The following IFT172 variants were observed in gnomAD, a reference collection of about 807,000 sequenced individuals.
The protein encoded by IFT172 is intraflagellar transport 172.
A neutral mutation model predicts 248.9 loss-of-function variants in IFT172; 164 were observed. The observed-to-expected ratio is 0.66, with a 90% CI of 0.58 to 0.75. The LOEUF is 0.75. IFT172 is among the 30% of genes least tolerant of loss of function. The probability of loss-of-function intolerance (pLI) is 0.00; values close to 1 mark genes in which losing one functional copy is unlikely to be tolerated. For synonymous variants in IFT172, 729 were observed against 791.6 expected (o/e 0.92, Z 1.33); for missense variants, 1,950 against 2,192.4 (o/e 0.89, Z 2.21).
intron 29 of IFT172, 55 bp downstream of exon 29, chr2:27,457,584 A>G: frequency 6.6e-7 from 1 of 1,506,836 alleles, no homozygotes; most frequent in South Asian, 1.1e-5. Context: ...GAAAAAAAGG[A>G]AAAACGTGGG....
Position 27,445,175 on chromosome 2 carries a change from T to A in IFT172, c.5069-70A>T. 6.2e-7 allele frequency: 1 copy of A among 1,600,796 alleles called. No individual in the cohort carries two copies. Among genetic ancestry groups the A allele is most frequent in the South Asian group, 1.1e-5 (1 of 89,852 alleles). On this transcript the variant is annotated intron_variant, in intron 46 of 47. Transcript: ENST00000260570. This position sits in a 1 kb window ranked among gnomAD's most constrained non-coding sequence, Gnocchi z 4.4. The stretch of plus-strand genomic sequence containing the variant: ...GAGGAGGGAAAAATGAGGAGCAGCC[T>A]GGGGGGTAGAAAGCACAGTCCTGTC...
At chr2:27,471,686 C>A (rs1481997861) in intron 15 of IFT172, 1 of 160,348 alleles carries the variant, frequency 6.2e-6, no homozygotes, top group East Asian at 1.9e-4. Context: ...GAGACACCAA[C>A]TTCCAAACTC....
rs1665955306 is a variant in IFT172 at position 27,454,107 on chromosome 2, G to C, written c.3586C>G (p.Pro1196Ala). The C allele has an allele frequency of 6.2e-7, 1 of 1,613,846 alleles. No individual in the cohort carries two copies. Among genetic ancestry groups the C allele is most frequent in the African/African-American group, 1.3e-5 (1 of 74,910 alleles). Reference protein sequence around the residue: ...AAQRVAEAHDPDSVAEVLVGQ... With the variant: ...AAQRVAEAHDADSVAEVLVGQ... ...ACAAGCACCTCGGCGACACTGTCAG[G>C]GTCGTGAGCCTCAGCCACACGCTGA... Residue 1196 changes from proline (P) to alanine (A), a missense_variant, in exon 33 of 48, where the codon CCT becomes GCT. Pro to Ala is a conservative substitution (Grantham distance 27, BLOSUM62 -1). Transcript: ENST00000260570. The surrounding 1 kb of genome is among the most constrained non-coding windows in gnomAD (Gnocchi z 4.2).
chr2:27,470,228 T>C (rs528348075), intron 16 of IFT172, among the ~76,000 whole-genome samples: 4 of 144,814 alleles, frequency 2.8e-5, no homozygotes, highest in African/African-American at 5.2e-5. Context: ...TGGGAGATAG[T>C]GGGAGACCCT....
chr2:27,462,642 C>A, intron 20 of IFT172, 59 bp downstream of exon 20: 4 of 1,472,720 alleles, frequency 2.7e-6, no homozygotes, highest in South Asian at 1.1e-5. Flanking sequence ...GTTTGTACCC[C>A]CTTTTCTCTC....
chr2:27,451,892 C>T (rs1394816941), intron 35 of IFT172, among the ~76,000 whole-genome samples: 3 of 152,114 alleles, frequency 2.0e-5, no homozygotes, highest in Admixed American at 6.5e-5. Context: ...ATGACCCCCA[C>T]TCACATTTCA....
In IFT172 at chr2:27,453,654, C is replaced by T. The variant is rs770396560; in HGVS notation, c.3797G>A (p.Arg1266Gln). ...CCTGGCCCCCTTCTTAGTAGCTTCCCGCTCATATTCTTCCTGCAGAGCCTC... is the reference window on the plus strand; with the variant it reads ...CCTGGCCCCCTTCTTAGTAGCTTCCTGCTCATATTCTTCCTGCAGAGCCTC... The part of the protein sequence containing the change: ...QLEALQEEYE[R>Q]EATKKGARGV... The change falls in exon 34 of 48, where the codon CGG becomes CAG. Residue 1266 changes from arginine (R) to glutamine (Q), a missense_variant. Physicochemically the swap from Arg to Gln is conservative, Grantham distance 43. Coordinates refer to ENST00000260570, the MANE Select transcript of IFT172 (RefSeq NM_015662.3). 8.7e-6 allele frequency: 14 copies of T among 1,611,964 alleles called. No individual in the cohort carries two copies. Among genetic ancestry groups the T allele is most frequent in the Non-Finnish European group, 1.0e-5 (12 of 1,179,226 alleles).
chr2:27,448,332 C>T (rs1404225716), intron 40 of IFT172, among the ~76,000 whole-genome samples: 2 of 152,204 alleles, frequency 1.3e-5, no homozygotes, highest in African/African-American at 4.8e-5. Context: ...ATCTCCTGAC[C>T]TCGTAATCCG....
chr2:27,487,786 C>T (rs185505389), intron 1 of IFT172, among the ~76,000 whole-genome samples: 64 of 152,108 alleles, frequency 4.2e-4, no homozygotes, highest in Non-Finnish European at 5.7e-4. Context: ...AGTTTCACCA[C>T]GTTGGCCAGG....
intron 33 of IFT172, 72 bp downstream of exon 33, chr2:27,453,910 G>T: frequency 6.7e-7 from 1 of 1,490,570 alleles, no homozygotes; most frequent in Middle Eastern, 2.2e-4. Flanking sequence ...TCATACCAGG[G>T]GTCAGTGTGG....
At position 27,485,476 on chromosome 2, in the gene IFT172, C is replaced by T. The variant is rs1668692129; in HGVS notation, c.67G>A (p.Ala23Thr). ...AATTTGGCATTGTTCTGGGACCAAG[C>T]CATGCAGGTCACCTTTGCAGCTCCA... is the stretch of plus-strand genomic sequence containing the variant. Reference protein sequence around the residue: ...QDGAAKVTCMAWSQNNAKFAV... With the variant: ...QDGAAKVTCMTWSQNNAKFAV... The change falls in exon 2 of 48, where the codon GCT becomes ACT. Residue 23 changes from alanine (A) to threonine (T), a missense_variant. Around this residue, in one of 3 missense-constraint regions of IFT172, gnomAD observed 1,166 missense variants for 1,254.1 expected, o/e 0.93. Transcript: ENST00000260570. 1 of 1,613,898 alleles carries T rather than the reference C, an allele frequency of 6.2e-7. No individual in the cohort carries two copies. Among genetic ancestry groups the T allele is most frequent in the Non-Finnish European group, 8.5e-7 (1 of 1,179,934 alleles).
Position 27,485,183 on chromosome 2 carries a change from AAAGAG to A in IFT172, c.184-58_184-54del, listed in dbSNP as rs1403686505. On this transcript the variant is annotated intron_variant, in intron 2 of 47. Transcript: ENST00000260570. ...GAAAAAGAAGTAATGAGTACACATG[AAAGAG>A]AAAAGAGAAAAAAAGGCATATGTGT... is the stretch of plus-strand genomic sequence containing the variant. 9 of 1,436,856 alleles carry A rather than the reference AAAGAG, an allele frequency of 6.3e-6. No homozygotes were observed. The African/African-American group carries it at 1.1e-4, about 18-fold the overall frequency. 89.0% of individuals were successfully genotyped at this position (1,436,856 alleles called of 1,614,324 possible).
intron 29 of IFT172, 27 bp from the exon 30 acceptor site, chr2:27,456,680 C>A: frequency 6.2e-7 from 1 of 1,608,728 alleles, no homozygotes; most frequent in South Asian, 1.1e-5. Flanking sequence ...CTCAATAATC[C>A]TGCAATACAG....
At position 27,445,095 on chromosome 2, in the gene IFT172, A is replaced by C. The variant is rs1664934958; in HGVS notation, c.5079T>G (p.Ile1693Met). 1 of 1,613,934 alleles carries C rather than the reference A, an allele frequency of 6.2e-7. No homozygotes were observed. The highest frequency in any genetic ancestry group is 8.5e-7 in the Non-Finnish European group (1 of 1,179,980). The stretch of plus-strand genomic sequence containing the variant: ...GCTTAAATTCAATTTTGTTCCTCAG[A>C]ATGGGGTATCCTGTGGAGGAAGAAA... ...ALPCLITGYP[I>M]LRNKIEFKRP... The change falls in exon 47 of 48, where the codon ATT becomes ATG. Residue 1693 changes from isoleucine (I) to methionine (M), a missense_variant. By Grantham distance (10) the Ile-to-Met change is conservative. Transcript: ENST00000260570. The surrounding 1 kb of genome is among the most constrained non-coding windows in gnomAD (Gnocchi z 4.4).
chr2:27,472,276 G>A lies in IFT172; in HGVS notation c.1498C>T (p.Leu500Phe), dbSNP rs768671584. The A allele has an allele frequency of 6.2e-7, 1 of 1,614,052 alleles. No individual in the cohort carries two copies. Among genetic ancestry groups the A allele is most frequent in the South Asian group, 1.1e-5 (1 of 91,086 alleles). The change falls in exon 15 of 48, where the codon CTC (leucine) becomes TTC (phenylalanine). Residue 500 changes from leucine to phenylalanine, a missense_variant. Around this residue, in one of 3 missense-constraint regions of IFT172, gnomAD observed 1,166 missense variants for 1,254.1 expected, o/e 0.93. Transcript: ENST00000260570. ...WLELNETGHK[L>F]LFRDRKLRLH... ...CGAAGTTTCCGGTCCCTGAAGAGGA[G>A]CTTGTGTCCAGTCTCATTAAGTTCC...
Position 27,461,363 on chromosome 2 carries a change from G to A in IFT172, c.2348C>T (p.Ala783Val), listed in dbSNP as rs779389219. 2 of 1,614,204 alleles carry A rather than the reference G, an allele frequency of 1.2e-6. No homozygotes were observed. The highest frequency in any genetic ancestry group is 8.5e-7 in the Non-Finnish European group (1 of 1,180,034). The change falls in exon 22 of 48, where the codon GCT (alanine) becomes GTT (valine). Residue 783 changes from alanine (A) to valine (V), a missense_variant. Physicochemically the swap from Ala to Val is moderately conservative, Grantham distance 64 (BLOSUM62 0). This residue lies in a region of IFT172 where 1,166 missense variants were observed against 1,254.1 expected (regional missense o/e 0.93). Coordinates refer to ENST00000260570, the MANE Select transcript of IFT172 (RefSeq NM_015662.3). ...YLKAGLPAKAARLVLTREELL... is the reference protein window; with the variant it reads ...YLKAGLPAKAVRLVLTREELL... Reference sequence around the variant, plus strand: ...TTCCTCTCGGGTCAGCACCAGCCGAGCAGCTTTGGCAGGGAGCCCAGCTTT... The same window carrying A: ...TTCCTCTCGGGTCAGCACCAGCCGAACAGCTTTGGCAGGGAGCCCAGCTTT...
chr2:27,450,640 G>A (rs1000030001), intron 35 of IFT172, among the ~76,000 whole-genome samples: 2 of 152,108 alleles, frequency 1.3e-5, no homozygotes, highest in Non-Finnish European at 1.5e-5. Flanking sequence ...GCCCAGGCTG[G>A]AGTGCAGTGG....
intron 16 of IFT172, among the ~76,000 whole-genome samples, chr2:27,470,548 A>C (rs762852322): frequency 2.0e-5 from 3 of 152,158 alleles, no homozygotes; most frequent in Non-Finnish European, 4.4e-5. Context: ...GTGGTAGGAC[A>C]GGAGAGAAGA....
At chr2:27,475,500 G>C (rs1487133172) in intron 14 of IFT172, 1 of 152,194 alleles carries the variant, frequency 6.6e-6, no homozygotes, top group Non-Finnish European at 1.5e-5. Context: ...TTGGTTTAAA[G>C]TGGAAAGCTT....
Sources: gnomAD v4.1 joint callset for allele counts (sites outside exome capture counted in the v4.1 genomes callset) on GRCh38, gnomAD v4.1.1 for gene constraint, gnomAD v4.1.1 regional missense constraint, Gnocchi (gnomAD v3.1) non-coding constraint, MANE v1.5 for transcripts, NCBI Gene and HGNC (gene_info 2026-07-23, HGNC 2026-07-21) for gene names.